The following SOX5 variants were observed in gnomAD, a reference collection of about 807,000 sequenced individuals.
SOX5 encodes the protein SRY-box transcription factor 5.
In SOX5, 9 loss-of-function variants were observed where a neutral mutation model predicts 92.0. The ratio of observed to expected loss-of-function variants is 0.10; its 90% confidence interval spans 0.06 to 0.17. The LOEUF is 0.17. Among genes scored for constraint, SOX5 ranks in the 10% least tolerant of loss-of-function variants. The pLI, the probability that SOX5 is intolerant of heterozygous loss-of-function variation, is 1.00. For missense variants in SOX5, 642 were observed against 944.5 expected (o/e 0.68, Z 4.20); for synonymous variants, 344 against 336.3 (o/e 1.02, Z -0.25).
chr12:24,337,372 A>T (rs1015928407), intron 2 of SOX5, among the ~76,000 whole-genome samples: 1 of 144,990 alleles, frequency 6.9e-6, no homozygotes, highest in Admixed American at 7.1e-5. Context: ...AGAGAGTTTC[A>T]CTCTGTTGCC....
At chr12:24,507,439 A>G (rs1948902824) in intron 1 of SOX5, among the ~76,000 whole-genome samples, 1 of 151,940 alleles carries the variant, frequency 6.6e-6, no homozygotes, top group Non-Finnish European at 1.5e-5. Context: ...CAGATTATGG[A>G]ACACTCTATA....
intron 1 of SOX5, among the ~76,000 whole-genome samples, chr12:24,447,780 A>G (rs1259238421): frequency 6.6e-6 from 1 of 152,224 alleles, no homozygotes; most frequent in Non-Finnish European, 1.5e-5. Context: ...CAACAGAAGT[A>G]TGGGCAAATG....
chr12:24,451,796 CT>C (rs1340329956), intron 1 of SOX5, among the ~76,000 whole-genome samples: 1 of 152,172 alleles, frequency 6.6e-6, no homozygotes, highest in East Asian at 1.9e-4. Flanking sequence ...AATATGACTA[CT>C]GCATAGGGTT....
chr12:24,477,974 T>C (rs1945576841), intron 1 of SOX5, among the ~76,000 whole-genome samples: 2 of 152,164 alleles, frequency 1.3e-5, no homozygotes, highest in African/African-American at 2.4e-5. Flanking sequence ...CTTATCAAAA[T>C]GATTTTTAGG....
At chr12:24,141,896 G>T (rs191348337) in intron 4 of SOX5, among the ~76,000 whole-genome samples, 6 of 152,140 alleles carry the variant, frequency 3.9e-5, no homozygotes, top group Non-Finnish European at 2.9e-5. Context: ...GCTGAATCAT[G>T]TTTATATTCG....
At chr12:23,994,310 C>T (rs1434726150) in intron 4 of SOX5, among the ~76,000 whole-genome samples, 2 of 151,988 alleles carry the variant, frequency 1.3e-5, no homozygotes, top group Admixed American at 6.6e-5. Flanking sequence ...GGAATTACTA[C>T]TTGAATTTTA....
intron 4 of SOX5, among the ~76,000 whole-genome samples, chr12:24,063,807 A>T (rs532145421): frequency 6.6e-6 from 1 of 152,302 alleles, no homozygotes; most frequent in Admixed American, 6.5e-5. Context: ...TCTGCCACAT[A>T]CTTGCTCTGT....
At chr12:23,889,244 G>A (rs2097103629) in intron 2 of SOX5, among the ~76,000 whole-genome samples, 1 of 152,116 alleles carries the variant, frequency 6.6e-6, no homozygotes, top group African/African-American at 2.4e-5. Context: ...CTTATGCTAA[G>A]TTTGACGTAC....
At chr12:23,756,613 C>A (rs960675794) in intron 3 of SOX5, among the ~76,000 whole-genome samples, 2 of 151,880 alleles carry the variant, frequency 1.3e-5, no homozygotes, top group Non-Finnish European at 2.9e-5. Context: ...CCGTGATTAG[C>A]GCAGCATTCA....
At chr12:23,853,110 T>TTA (rs1191364655) in intron 2 of SOX5, among the ~76,000 whole-genome samples, 140 of 147,606 alleles carry the variant, frequency 9.5e-4, no homozygotes, top group African/African-American at 1.7e-3. Context: ...CATGCAAAAA[T>TTA]TATATATATA....
intron 1 of SOX5, among the ~76,000 whole-genome samples, chr12:24,553,955 C>T (rs969487192): frequency 2.0e-5 from 3 of 152,090 alleles, no homozygotes; most frequent in Non-Finnish European, 2.9e-5. Context: ...AGAGAAGGTA[C>T]GTGGAGATGA....
intron 6 of SOX5, among the ~76,000 whole-genome samples, chr12:23,727,091 G>T (rs754580999): frequency 2.0e-5 from 3 of 152,008 alleles, no homozygotes; most frequent in Admixed American, 1.3e-4. Context: ...AAAAGCAAAA[G>T]AAAAAATGTC....
rs555320319 is a variant in SOX5, at chr12:24,087,919, C to A, written c.-2+125424G>T. Among the ~76,000 whole-genome samples the A allele has an allele frequency of 1.4e-4, 21 of 151,938 alleles. 1 individual carries two copies. In the South Asian group the frequency reaches 3.9e-3, roughly 29 times the overall value. On this transcript the variant is annotated intron_variant, in intron 4 of 4. Transcript: ENST00000446891. ...TTATTTCTCCCCCTTACTAATAGAA[C>A]TAACAGGGTCTTGGGTGTAATGAAG... is the stretch of plus-strand genomic sequence containing the variant.
chr12:24,073,457 C>A (rs181811326), intron 4 of SOX5, among the ~76,000 whole-genome samples: 1 of 152,194 alleles, frequency 6.6e-6, no homozygotes, highest in Non-Finnish European at 1.5e-5. Flanking sequence ...GTGCTGGGGA[C>A]ACCTCTGTGA....
At chr12:24,341,253 G>T (rs895448784) in intron 2 of SOX5, among the ~76,000 whole-genome samples, 1 of 152,186 alleles carries the variant, frequency 6.6e-6, no homozygotes, top group Non-Finnish European at 1.5e-5. Flanking sequence ...GAGGCAGGAG[G>T]ATCACTTGAG....
chr12:23,993,072 C>G (rs535201091), intron 4 of SOX5, among the ~76,000 whole-genome samples: 1 of 152,232 alleles, frequency 6.6e-6, no homozygotes, highest in African/African-American at 2.4e-5. Flanking sequence ...TTTACTTCAT[C>G]CTTGTACCAG....
At chr12:24,225,477 AG>A (rs1357220063) in intron 3 of SOX5, among the ~76,000 whole-genome samples, 2 of 52,822 alleles carry the variant, frequency 3.8e-5, no homozygotes, top group African/African-American at 1.4e-4. Flanking sequence ...CAATTATCAG[AG>A]GTTTTTTTTT....
intron 11 of SOX5, among the ~76,000 whole-genome samples, chr12:23,550,886 G>A (rs966871370): frequency 6.6e-6 from 1 of 151,946 alleles, no homozygotes; most frequent in African/African-American, 2.4e-5. Flanking sequence ...CACACAAACT[G>A]TACTTTAGAG....
intron 2 of SOX5, among the ~76,000 whole-genome samples, chr12:24,363,279 G>A (rs954238750): frequency 1.3e-5 from 2 of 151,676 alleles, no homozygotes; most frequent in Non-Finnish European, 2.9e-5. Context: ...TCATTTTTTG[G>A]CTACATATAT....
Sources: allele counts gnomAD v4.1 joint callset (sites outside exome capture counted in the v4.1 genomes callset), GRCh38; gene constraint gnomAD v4.1.1; transcripts MANE v1.5; gene names NCBI Gene and HGNC (gene_info 2026-07-23, HGNC 2026-07-21).